The following GRIK3 variants were observed in gnomAD, a reference collection of about 807,000 sequenced individuals.
GRIK3 encodes the protein glutamate ionotropic receptor kainate type subunit 3, also known as glutamate receptor ionotropic, kainate 3.
GRIK3 carries 29 observed loss-of-function variants against 102.5 expected under a neutral mutation model. That is an observed-to-expected ratio of 0.28 (90% CI 0.21 to 0.39). GRIK3 has a LOEUF of 0.39. Ranked by LOEUF, GRIK3 falls within the 10% of genes least tolerant of loss-of-function variation. GRIK3 has a pLI of 1.00. For missense variants in GRIK3, 908 were observed against 1,252.4 expected (o/e 0.73, Z 4.15); for synonymous variants, 511 against 504.9 (o/e 1.01, Z -0.16).
chr1:36,987,708 G>T (rs889350818), intron 1 of GRIK3, among the ~76,000 whole-genome samples: 3 of 152,140 alleles, frequency 2.0e-5, no homozygotes, highest in Admixed American at 1.3e-4. Flanking sequence ...CTGGAACGGT[G>T]GGTGCATGGG....
chr1:36,853,867 T>A, intron 7 of GRIK3, 145 bp from the exon 8 acceptor site: 1 of 633,046 alleles, frequency 1.6e-6, no homozygotes, highest in East Asian at 2.8e-5. Flanking sequence ...CCTCCATCAT[T>A]GCTCGGGCTG....
chr1:36,927,283 G>A (rs1010099691), intron 1 of GRIK3, among the ~76,000 whole-genome samples: 4 of 152,060 alleles, frequency 2.6e-5, no homozygotes, highest in Non-Finnish European at 5.9e-5. Flanking sequence ...AATTCTTCTC[G>A]TTTTCTCCAT....
At chr1:36,835,244 A>T (rs1420913446) in intron 10 of GRIK3, among the ~76,000 whole-genome samples, 1 of 152,106 alleles carries the variant, frequency 6.6e-6, no homozygotes, top group African/African-American at 2.4e-5. Flanking sequence ...ACAGCATCTC[A>T]ATGCCTGCCC....
At position 36,817,089 on chromosome 1, in the gene GRIK3, T is replaced by C. The variant is rs1642640718; in HGVS notation, c.2062A>G (p.Lys688Glu). The change falls in exon 13 of 16, where the codon AAG (lysine) becomes GAG (glutamate). Residue 688 changes from lysine to glutamate, a missense_variant. This residue lies in a region of GRIK3 where 297 missense variants were observed against 362.7 expected (regional missense o/e 0.82). Transcript: ENST00000373091. ...KQTKIEYGAV[K>E]DGATMTFFKK... ...AAGAAGGTCATGGTGGCCCCATCCT[T>C]GACAGCCCCATACTCGATTTTGGTT... 5.0e-6 allele frequency: 8 copies of C among 1,613,988 alleles called. No individual in the cohort carries two copies. Among genetic ancestry groups the C allele is most frequent in the Non-Finnish European group, 6.8e-6 (8 of 1,179,904 alleles).
In GRIK3 at chr1:36,860,066, A is replaced by G. The variant is rs772626649; in HGVS notation, c.787-49T>C. The G allele has an allele frequency of 7.7e-6, 11 of 1,423,890 alleles. No individual in the cohort carries two copies. In the East Asian group the frequency reaches 2.6e-4, roughly 34 times the overall value. The allele number at this position is 1,423,890 out of a possible 1,614,324, so 88.2% of individuals were successfully genotyped here. A position where few individuals can be genotyped will look rare whatever the true frequency, so the allele number is the denominator to read the frequency against. On this transcript the variant is annotated intron_variant, in intron 5 of 15. Transcript: ENST00000373091. ...AACCAAGGCATGCTCACTGCTGAGAACTCCAGCCCCGCCTCCTACCCACTC... is the reference window on the plus strand; with the variant it reads ...AACCAAGGCATGCTCACTGCTGAGAGCTCCAGCCCCGCCTCCTACCCACTC...
At chr1:36,833,791 G>C (rs1640340080) in intron 10 of GRIK3, among the ~76,000 whole-genome samples, 1 of 152,220 alleles carries the variant, frequency 6.6e-6, no homozygotes, top group Admixed American at 6.5e-5. Context: ...CTGGGGTTGG[G>C]GGACAGCTTC....
At chr1:36,814,273 A>G (rs1295788558) in intron 13 of GRIK3, among the ~76,000 whole-genome samples, 1 of 152,166 alleles carries the variant, frequency 6.6e-6, no homozygotes, top group Non-Finnish European at 1.5e-5. Flanking sequence ...AGGCTTATTT[A>G]TGCCGTTTCA....
At chr1:36,940,674 G>T (rs1180599738) in intron 1 of GRIK3, among the ~76,000 whole-genome samples, 1 of 152,206 alleles carries the variant, frequency 6.6e-6, no homozygotes, top group African/African-American at 2.4e-5. Flanking sequence ...CAGAGGAGAA[G>T]GTATCCCCTT....
At chr1:36,920,582 C>G (rs534338166) in intron 1 of GRIK3, among the ~76,000 whole-genome samples, 2 of 152,324 alleles carry the variant, frequency 1.3e-5, no homozygotes, top group South Asian at 2.1e-4. Flanking sequence ...CTCATTGGCT[C>G]TGGCCTCTTG....
intron 1 of GRIK3, among the ~76,000 whole-genome samples, chr1:37,030,537 C>G (rs1416824062): frequency 8.8e-6 from 1 of 113,760 alleles, no homozygotes; most frequent in African/African-American, 4.3e-5. Flanking sequence ...TTTTCCCCAC[C>G]CCCCACCCCC....
intron 1 of GRIK3, among the ~76,000 whole-genome samples, chr1:36,943,381 T>C (rs1641748362): frequency 6.6e-6 from 1 of 152,200 alleles, no homozygotes; most frequent in East Asian, 1.9e-4. Flanking sequence ...GCCACATAGA[T>C]CTGGGAACAA....
intron 2 of GRIK3, among the ~76,000 whole-genome samples, chr1:36,887,593 A>G (rs1264114789): frequency 1.3e-5 from 2 of 151,920 alleles, no homozygotes; most frequent in Admixed American, 6.6e-5. Flanking sequence ...TACCTGTACT[A>G]AAAATACAAA....
At chr1:36,958,186 C>A (rs76630955) in intron 1 of GRIK3, among the ~76,000 whole-genome samples, 2 of 105,848 alleles carry the variant, frequency 1.9e-5, no homozygotes, top group Non-Finnish European at 3.9e-5. Flanking sequence ...GTCTGTGCCC[C>A]TGAGTCTGTG....
intron 1 of GRIK3, among the ~76,000 whole-genome samples, chr1:37,003,363 A>T (rs1487614749): frequency 1.3e-5 from 2 of 152,170 alleles, no homozygotes; most frequent in East Asian, 1.9e-4. Context: ...CAATGGCCCA[A>T]ATTATACTTT....
At chr1:36,965,551 G>C (rs1050446163) in intron 1 of GRIK3, among the ~76,000 whole-genome samples, 1 of 152,082 alleles carries the variant, frequency 6.6e-6, no homozygotes, top group Non-Finnish European at 1.5e-5. Context: ...GGGTTAACTA[G>C]AAATGGGGGG....
chr1:36,886,382 G>T (rs1054754918), intron 2 of GRIK3, among the ~76,000 whole-genome samples: 15 of 152,318 alleles, frequency 9.8e-5, no homozygotes, highest in Admixed American at 8.5e-4. Context: ...ATTAGAATTT[G>T]CCCCAAGCCC....
intron 1 of GRIK3, among the ~76,000 whole-genome samples, chr1:37,024,119 G>T (rs1228478212): frequency 1.3e-5 from 2 of 152,240 alleles, no homozygotes; most frequent in Non-Finnish European, 2.9e-5. Flanking sequence ...GAAACAATCT[G>T]GGGTTGTATA....
intron 1 of GRIK3, among the ~76,000 whole-genome samples, chr1:36,946,005 AG>A (rs1425552485): frequency 2.0e-5 from 3 of 152,244 alleles, no homozygotes; most frequent in Non-Finnish European, 2.9e-5. Context: ...GTGAAGAGCC[AG>A]GGGACACCCA....
At chr1:36,892,292 G>T (rs1641126414) in intron 1 of GRIK3, among the ~76,000 whole-genome samples, 1 of 152,066 alleles carries the variant, frequency 6.6e-6, no homozygotes, top group Admixed American at 6.5e-5. Context: ...CAAAGTGCTG[G>T]GATTACAGGT....
Sources: gnomAD v4.1 joint callset for allele counts (sites outside exome capture counted in the v4.1 genomes callset) on GRCh38, gnomAD v4.1.1 for gene constraint, gnomAD v4.1.1 regional missense constraint, MANE v1.5 for transcripts, NCBI Gene and HGNC (gene_info 2026-07-23, HGNC 2026-07-21) for gene names.